SRPK2: variants seen among roughly 807,000 people sequenced by gnomAD.
The protein encoded by SRPK2 is SFRS protein kinase 2.
SRPK2 carries 21 observed loss-of-function variants against 90.8 expected under a neutral mutation model. The ratio of observed to expected loss-of-function variants is 0.23; its 90% CI spans 0.16 to 0.33. The LOEUF (loss-of-function observed/expected upper bound fraction) is 0.33. Among genes scored for constraint, SRPK2 ranks in the 10% least tolerant of loss-of-function variants. The probability of loss-of-function intolerance (pLI) is 1.00; values close to 1 mark genes in which losing one functional copy is unlikely to be tolerated. For synonymous variants in SRPK2, 288 were observed against 311.1 expected, an observed-to-expected ratio of 0.93 and a Z score of 0.78; for missense variants, 620 against 869.0, an observed-to-expected ratio of 0.71 and a Z score of 3.60.
intron 2 of SRPK2, among the ~76,000 whole-genome samples, chr7:105,370,874 T>C (rs939192959): frequency 2.0e-5 from 3 of 151,984 alleles, no homozygotes; most frequent in Non-Finnish European, 4.4e-5. Flanking sequence ...CTTAGGCCTC[T>C]GAAAGTGCTA....
chr7:105,350,336 T>C (rs937238601), intron 2 of SRPK2, among the ~76,000 whole-genome samples: 99 of 151,478 alleles, frequency 6.5e-4, no homozygotes, highest in African/African-American at 2.3e-3. Flanking sequence ...TTCACCATGT[T>C]GGCCAGGATG....
chr7:105,226,848 A>G (rs1054849501), intron 2 of SRPK2, among the ~76,000 whole-genome samples: 12 of 152,054 alleles, frequency 7.9e-5, no homozygotes, highest in African/African-American at 2.9e-4. Flanking sequence ...AAATAGAAAA[A>G]TTAGCCAGGC....
chr7:105,210,399 C>A (rs1028254045), intron 2 of SRPK2, among the ~76,000 whole-genome samples: 1 of 152,148 alleles, frequency 6.6e-6, no homozygotes, highest in Non-Finnish European at 1.5e-5. Context: ...CCTTCTTCCT[C>A]TCTTGGTAAT....
intron 2 of SRPK2, among the ~76,000 whole-genome samples, chr7:105,253,216 C>G (rs891523772): frequency 6.6e-6 from 1 of 152,232 alleles, no homozygotes; most frequent in Non-Finnish European, 1.5e-5. Flanking sequence ...TTCATCCACT[C>G]TCTGTCACTC....
At chr7:105,163,688 G>C (rs889505332) in intron 6 of SRPK2, among the ~76,000 whole-genome samples, 1 of 152,170 alleles carries the variant, frequency 6.6e-6, no homozygotes, top group African/African-American at 2.4e-5. Flanking sequence ...GCACATGCCT[G>C]TAATCCCAGC....
chr7:105,208,410 T>A (rs1796463292), intron 2 of SRPK2, among the ~76,000 whole-genome samples: 1 of 152,084 alleles, frequency 6.6e-6, no homozygotes, highest in Non-Finnish European at 1.5e-5. Context: ...AACTGATAAA[T>A]AAAATGGGGT....
chr7:105,375,507 C>T (rs1037922595), intron 2 of SRPK2, among the ~76,000 whole-genome samples: 2 of 152,236 alleles, frequency 1.3e-5, no homozygotes, highest in Admixed American at 6.5e-5. Flanking sequence ...CAAAGCAATA[C>T]CCATCTCTAT....
chr7:105,244,505 C>T (rs1481071242), intron 2 of SRPK2: 6 of 444,502 alleles, frequency 1.3e-5, no homozygotes, highest in Admixed American at 3.6e-5. Context: ...ACCCGGGAGG[C>T]GGAGCTTGCA....
chr7:105,361,486 T>C (rs1392055789), intron 2 of SRPK2, among the ~76,000 whole-genome samples: 1 of 152,174 alleles, frequency 6.6e-6, no homozygotes, highest in Non-Finnish European at 1.5e-5. Flanking sequence ...TTAAAGTTCA[T>C]ACGGAACCAA....
In SRPK2 at chr7:105,379,156, A is replaced by AATATAT. The variant is rs56847291; in HGVS notation, c.71+9486_71+9491dup. Among the ~76,000 whole-genome samples the AATATAT allele has an allele frequency of 2.3e-4, 35 of 150,434 alleles. No homozygotes were observed. In the South Asian group the frequency reaches 7.1e-3, roughly 30 times the overall value. On this transcript the variant is annotated intron_variant, in intron 2 of 15. Coordinates refer to ENST00000393651, the MANE Select transcript of SRPK2 (RefSeq NM_182692.3). Reference sequence around the variant, plus strand: ...AAGCAAGACCCAGTCTCTAAAAAAAAATATATATATATATATAAAGTCAGC... The same window carrying AATATAT: ...AAGCAAGACCCAGTCTCTAAAAAAAAATATATATATATATATATATATAAAGTCAGC...
At chr7:105,190,367 C>G (rs918632315) in intron 3 of SRPK2, among the ~76,000 whole-genome samples, 1 of 152,190 alleles carries the variant, frequency 6.6e-6, no homozygotes, top group South Asian at 2.1e-4. Context: ...AAAATGAACA[C>G]ATATCTTGGT....
At chr7:105,349,600 C>T (rs971187574) in intron 2 of SRPK2, among the ~76,000 whole-genome samples, 2 of 151,910 alleles carry the variant, frequency 1.3e-5, no homozygotes, top group Non-Finnish European at 2.9e-5. Flanking sequence ...CCTTAATATC[C>T]TATGTAATCA....
At chr7:105,359,186 G>C (rs577939931) in intron 2 of SRPK2, among the ~76,000 whole-genome samples, 1 of 118,684 alleles carries the variant, frequency 8.4e-6, no homozygotes, top group African/African-American at 3.2e-5. Context: ...GGAGACAAAG[G>C]CTCGCTCTAT....
At chr7:105,195,630 C>CT (rs1173929440) in intron 3 of SRPK2, among the ~76,000 whole-genome samples, 2 of 152,304 alleles carry the variant, frequency 1.3e-5, no homozygotes, top group Non-Finnish European at 1.5e-5. Flanking sequence ...AGGATTTAGT[C>CT]TGAGTAGTGC....
intron 2 of SRPK2, among the ~76,000 whole-genome samples, chr7:105,283,691 G>A (rs1807649088): frequency 6.6e-6 from 1 of 152,096 alleles, no homozygotes; most frequent in South Asian, 2.1e-4. Flanking sequence ...TGTAATAGTG[G>A]TAGTTTCAAA....
chr7:105,237,881 G>C (rs576776591), intron 2 of SRPK2, among the ~76,000 whole-genome samples: 62 of 152,148 alleles, frequency 4.1e-4, no homozygotes, highest in African/African-American at 1.4e-3. Context: ...CTGATTTAGG[G>C]GAAAACATTT....
intron 2 of SRPK2, among the ~76,000 whole-genome samples, chr7:105,253,996 T>C (rs549808001): frequency 1.7e-4 from 26 of 152,306 alleles, no homozygotes; most frequent in African/African-American, 6.3e-4. Context: ...CTTCTTGAAA[T>C]CCTTACAAAA....
intron 2 of SRPK2, among the ~76,000 whole-genome samples, chr7:105,220,780 C>T (rs1013616820): frequency 2.0e-5 from 3 of 152,002 alleles, no homozygotes; most frequent in East Asian, 1.9e-4. Context: ...ACATCCAGAC[C>T]CCCAGCCCTG....
chr7:105,144,036 T>C (rs1404970113), intron 9 of SRPK2: 2 of 152,256 alleles, frequency 1.3e-5, no homozygotes, highest in African/African-American at 4.8e-5. Flanking sequence ...GAACTTACAT[T>C]CCAAATCAAG....
Sources: allele counts gnomAD v4.1 joint callset (sites outside exome capture counted in the v4.1 genomes callset), GRCh38; gene constraint gnomAD v4.1.1; transcripts MANE v1.5; gene names NCBI Gene and HGNC (gene_info 2026-07-23, HGNC 2026-07-21).